SMC2: variants seen among roughly 807,000 people sequenced by gnomAD.
The protein encoded by SMC2 is structural maintenance of chromosomes 2, also known as structural maintenance of chromosomes protein 2.
SMC2 carries 41 observed loss-of-function variants against 142.6 expected under a neutral mutation model. The ratio of observed to expected loss-of-function variants is 0.29; its 90% CI spans 0.22 to 0.37. The LOEUF (loss-of-function observed/expected upper bound fraction) is 0.37, where lower values mean the gene tolerates loss of function less well. Among genes scored for constraint, SMC2 ranks in the 10% least tolerant of loss-of-function variants. The pLI is 1.00. For synonymous variants in SMC2, 463 were observed against 457.5 expected, an observed-to-expected ratio of 1.01 and a Z score of -0.15; for missense variants, 1,265 against 1,373.7, an observed-to-expected ratio of 0.92 and a Z score of 1.25.
At chr9:104,106,018 T>C (rs1478665106) in intron 9 of SMC2, among the ~76,000 whole-genome samples, 1 of 152,186 alleles carries the variant, frequency 6.6e-6, no homozygotes, top group Admixed American at 6.5e-5. Context: ...CAGTGCTGTG[T>C]TTCCTTTGTG....
intron 23 of SMC2, among the ~76,000 whole-genome samples, chr9:104,137,447 G>C (rs1033754051): frequency 6.6e-6 from 1 of 152,086 alleles, no homozygotes; most frequent in African/African-American, 2.4e-5. Flanking sequence ...TTTTACATAA[G>C]ATTGTTTGAA....
chr9:104,120,226 CT>C, intron 16 of SMC2, 64 bp downstream of exon 16: 1 of 1,404,876 alleles, frequency 7.1e-7, no homozygotes, highest in Non-Finnish European at 9.6e-7. Flanking sequence ...AGAAAATTTA[CT>C]TTTATTTCAA....
intron 16 of SMC2, among the ~76,000 whole-genome samples, chr9:104,120,996 G>A (rs77054305): frequency 0.057 from 8,619 of 152,136 alleles, 660 homozygotes; most frequent in African/African-American, 0.18. Context: ...GGAGATAGGA[G>A]CTATCTAGGG....
At chr9:104,128,729 T>G (rs1433774666) in intron 20 of SMC2, among the ~76,000 whole-genome samples, 2 of 152,242 alleles carry the variant, frequency 1.3e-5, no homozygotes, top group Non-Finnish European at 1.5e-5. Flanking sequence ...GAAGAAAGTC[T>G]TCTTTAGGCA....
At chr9:104,115,207 C>A (rs1330604324) in intron 13 of SMC2, among the ~76,000 whole-genome samples, 1 of 151,520 alleles carries the variant, frequency 6.6e-6, no homozygotes, top group Non-Finnish European at 1.5e-5. Flanking sequence ...ATATTCTTTC[C>A]TGTAAATGCT....
chr9:104,139,331 C>G lies in SMC2; in HGVS notation c.*16C>G. The stretch of plus-strand genomic sequence containing the variant: ...GGAAGTTTAAACTACAAAGTTATTT[C>G]TTCATCTTGACCTGTTTTTTTAAAT... On this transcript the variant is annotated 3_prime_UTR_variant, in exon 25 of 25. Transcript: ENST00000374793. 6.4e-7 allele frequency: 1 copy of G among 1,558,168 alleles called. No individual in the cohort carries two copies. The highest frequency in any genetic ancestry group is 2.4e-5 in the East Asian group (1 of 42,032).
intron 22 of SMC2, 139 bp downstream of exon 22, chr9:104,132,264 CT>C (rs747468080): frequency 2.0e-5 from 11 of 557,572 alleles, no homozygotes; most frequent in South Asian, 1.5e-4. Context: ...AAACCTCTGA[CT>C]TTTAAATGCA....
At position 104,116,206 on chromosome 9, in the gene SMC2, G is replaced by T; in HGVS notation, c.1678G>T (p.Gly560Cys). 1.3e-6 allele frequency: 2 copies of T among 1,592,098 alleles called. No individual in the cohort carries two copies. Among genetic ancestry groups the T allele is most frequent in the South Asian group, 2.3e-5 (2 of 85,726 alleles). The change falls in exon 14 of 25, where the codon GGT becomes TGT. Residue 560 changes from glycine (G) to cysteine (C), a missense_variant. Gly to Cys is a radical substitution (Grantham distance 159). Coordinates refer to ENST00000374793, the MANE Select transcript of SMC2 (RefSeq NM_006444.3). Reference protein sequence around the residue: ...YNVVVDTEVTGKKLLERGELK... With the variant: ...YNVVVDTEVTCKKLLERGELK... The stretch of plus-strand genomic sequence containing the variant: ...ATTCAAATGTGTGTTGTAGGTTACT[G>T]GTAAAAAGCTACTAGAAAGGGGGGA...
chr9:104,111,569 C>G lies in SMC2; in HGVS notation c.1021-12C>G. The stretch of plus-strand genomic sequence containing the variant: ...AAATATAATATTTTTCCATTTGAAA[C>G]TCTTCCTAAAGGACTCAAAAACTTT... On this transcript the variant is annotated splice_polypyrimidine_tract_variant and intron_variant, in intron 9 of 24. Coordinates refer to ENST00000374793, the MANE Select transcript of SMC2 (RefSeq NM_006444.3). The G allele has an allele frequency of 6.4e-7, 1 of 1,571,768 alleles. No individual in the cohort carries two copies. Among genetic ancestry groups the G allele is most frequent in the Non-Finnish European group, 8.7e-7 (1 of 1,148,118 alleles).
At position 104,114,015 on chromosome 9, in the gene SMC2, T is replaced by G. The variant is rs1832797551; in HGVS notation, c.1466T>G (p.Ile489Ser). 2.5e-6 allele frequency: 4 copies of G among 1,601,796 alleles called. No individual in the cohort carries two copies. The highest frequency in any genetic ancestry group is 1.7e-6 in the Non-Finnish European group (2 of 1,176,672). The change falls in exon 12 of 25, where the codon ATT (isoleucine) becomes AGT (serine). Residue 489 changes from isoleucine to serine, a missense_variant. Physicochemically the swap from Ile to Ser is moderately radical, Grantham distance 142 (BLOSUM62 -2). This residue lies in a region of SMC2 where 898 missense variants were observed against 904.2 expected (regional missense o/e 0.99). Coordinates refer to ENST00000374793, the MANE Select transcript of SMC2 (RefSeq NM_006444.3). ...LEKRRQLSRD[I>S]GRLKETYEAL... ...AAGCGCAGGCAGCTGTCTCGTGATA[T>G]TGGTAGATTGAAAGAAACATATGAA...
chr9:104,105,061 T>G (rs1029931333), intron 9 of SMC2, among the ~76,000 whole-genome samples: 2 of 152,212 alleles, frequency 1.3e-5, no homozygotes, highest in African/African-American at 2.4e-5. Context: ...GGCAATCGCA[T>G]GTATTCTTCC....
chr9:104,095,638 C>A, intron 2 of SMC2, 86 bp downstream of exon 2: 2 of 1,021,410 alleles, frequency 2.0e-6, no homozygotes, highest in South Asian at 1.5e-5. Context: ...ATATTCTCTT[C>A]ATTTGTGTTT....
chr9:104,097,331 C>A (rs891346506), intron 3 of SMC2, among the ~76,000 whole-genome samples: 1 of 151,248 alleles, frequency 6.6e-6, no homozygotes, highest in Non-Finnish European at 1.5e-5. Flanking sequence ...TGGTCTCAAT[C>A]TCCTGACCTC....
At position 104,095,427 on chromosome 9, in the gene SMC2, G is replaced by T. The variant is rs772652461; in HGVS notation, c.43G>T (p.Ala15Ser). 1.9e-6 allele frequency: 3 copies of T among 1,613,828 alleles called. No homozygotes were observed. The highest frequency in any genetic ancestry group is 2.5e-6 in the Non-Finnish European group (3 of 1,179,962). ...TATTCTAGAGGGATTCAAGTCCTAT[G>T]CTCAGAGGACCGAAGTCAATGGTTT... The part of the protein sequence containing the change: ...SIILEGFKSY[A>S]QRTEVNGFDP... Residue 15 changes from alanine to serine, a missense_variant, in exon 2 of 25, where the codon GCT becomes TCT. Ala to Ser is a moderately conservative substitution (Grantham distance 99). Transcript: ENST00000374793.
chr9:104,131,439 A>G (rs967217789), intron 21 of SMC2, among the ~76,000 whole-genome samples: 1 of 152,142 alleles, frequency 6.6e-6, no homozygotes, highest in Admixed American at 6.6e-5. Context: ...TGATTGGTGC[A>G]GCAAGCCATC....
At chr9:104,091,170 A>C (rs967016372), upstream of SMC2, among the ~76,000 whole-genome samples, 1 of 152,230 alleles carries the variant, frequency 6.6e-6, no homozygotes, top group Non-Finnish European at 1.5e-5. Flanking sequence ...TAACGACGAG[A>C]TACGTTCTGA....
rs1195975166 is a variant in SMC2, at chr9:104,139,134, T to C, written c.3418-5T>C. The C allele has an allele frequency of 1.9e-6, 3 of 1,540,748 alleles. No homozygotes were observed. In the East Asian group the frequency reaches 7.2e-5, roughly 37 times the overall value. ...TTTTTTATACTTTTTTCTTTTTTCC[T>C]TAAGTTCATTGTGGTGTCACTAAAA... On this transcript the variant is annotated splice_polypyrimidine_tract_variant and splice_region_variant and intron_variant, in intron 24 of 24. Coordinates refer to ENST00000374793, the MANE Select transcript of SMC2 (RefSeq NM_006444.3).
intron 20 of SMC2, among the ~76,000 whole-genome samples, chr9:104,129,126 T>C (rs760744172): frequency 2.6e-5 from 4 of 152,190 alleles, no homozygotes; most frequent in Admixed American, 6.5e-5. Context: ...GAAGATCTTT[T>C]GCTATACAGT....
intron 23 of SMC2, among the ~76,000 whole-genome samples, chr9:104,135,254 C>T (rs1227644881): frequency 9.1e-6 from 1 of 110,118 alleles, no homozygotes; most frequent in Non-Finnish European, 2.0e-5. Context: ...AAAACATGAA[C>T]ATAATGAGAG....
Sources: gnomAD v4.1 joint callset for allele counts (sites outside exome capture counted in the v4.1 genomes callset) on GRCh38, gnomAD v4.1.1 for gene constraint, gnomAD v4.1.1 regional missense constraint, MANE v1.5 for transcripts, NCBI Gene and HGNC (gene_info 2026-07-23, HGNC 2026-07-21) for gene names.